The following ARHGAP15 variants were observed in gnomAD, a reference collection of about 807,000 sequenced individuals.
ARHGAP15 encodes rho GTPase-activating protein 15.
Under a neutral mutation model 63.7 loss-of-function variants are expected in ARHGAP15, and 51 were observed. The ratio of observed to expected loss-of-function variants is 0.80; its 90% CI spans 0.64 to 1.01. The LOEUF (loss-of-function observed/expected upper bound fraction) is 1.01. ARHGAP15 is among the 50% of genes least tolerant of loss of function. The pLI is 0.00. For missense variants in ARHGAP15, 560 were observed against 564.6 expected (o/e 0.99, Z 0.08); for synonymous variants, 191 against 193.8 (o/e 0.99, Z 0.12).
chr2:143,254,656 G>C, intron 6 of ARHGAP15, among the ~76,000 whole-genome samples: 1 of 152,090 alleles, frequency 6.6e-6, no homozygotes, highest in African/African-American at 2.4e-5. Flanking sequence ...AATTATTTCC[G>C]TGTCATTAAA....
chr2:143,583,692 G>C lies in ARHGAP15; in HGVS notation c.1003+27207G>C, dbSNP rs185931309. ...TTTTTGTGTGAGTTTATTTAAACATGATCAAGTTAAACTCAGTCTGGAAGA... is the reference window on the plus strand; with the variant it reads ...TTTTTGTGTGAGTTTATTTAAACATCATCAAGTTAAACTCAGTCTGGAAGA... On this transcript the variant is annotated intron_variant, in intron 11 of 13. Transcript: ENST00000295095. Among the ~76,000 whole-genome samples, 315 of 152,298 alleles carry C rather than the reference G, an allele frequency of 2.1e-3. 2 individuals carry two copies. Among genetic ancestry groups the C allele is most frequent in the African/African-American group, 7.5e-3 (312 of 41,562 alleles).
intron 5 of ARHGAP15, among the ~76,000 whole-genome samples, chr2:143,249,092 G>A (rs1178072715): frequency 6.6e-6 from 1 of 152,050 alleles, no homozygotes; most frequent in Non-Finnish European, 1.5e-5. Flanking sequence ...GATCACCTGG[G>A]TGGCAGAGCG....
At position 143,538,843 on chromosome 2, in the gene ARHGAP15, T is replaced by A. The variant is rs1694904127; in HGVS notation, c.926-17565T>A. 1.3e-5 allele frequency among the ~76,000 whole-genome samples: 2 copies of A among 152,200 alleles called. 1 individual carries two copies. The highest frequency in any genetic ancestry group is 4.1e-4 in the South Asian group (2 of 4,828). On this transcript the variant is annotated intron_variant, in intron 10 of 13. Coordinates refer to ENST00000295095, the MANE Select transcript of ARHGAP15 (RefSeq NM_018460.4). ...CAAGGATATTGGTCTAAAATTCTCT[T>A]TTTTTGTTGTGTCTCTGCCAGGCTT... is the stretch of plus-strand genomic sequence containing the variant.
intron 11 of ARHGAP15, among the ~76,000 whole-genome samples, chr2:143,557,794 T>C (rs1465041559): frequency 6.7e-6 from 1 of 148,858 alleles, no homozygotes; most frequent in Non-Finnish European, 1.5e-5. Context: ...AAAAGAAGTC[T>C]ATTAATTCGA....
At chr2:143,368,423 A>C (rs4662325) in intron 6 of ARHGAP15, among the ~76,000 whole-genome samples, 9 of 151,952 alleles carry the variant, frequency 5.9e-5, no homozygotes, top group African/African-American at 2.2e-4. Context: ...GAGAGGCACG[A>C]AAGAAAAATA....
At chr2:143,424,123 C>T (rs1689046287) in intron 6 of ARHGAP15, among the ~76,000 whole-genome samples, 1 of 152,060 alleles carries the variant, frequency 6.6e-6, no homozygotes, top group Non-Finnish European at 1.5e-5. Flanking sequence ...ACTCGTGGAG[C>T]TCTGTAAACA....
intron 13 of ARHGAP15, among the ~76,000 whole-genome samples, chr2:143,731,410 TAAG>T (rs1401100939): frequency 6.6e-6 from 1 of 152,174 alleles, no homozygotes; most frequent in African/African-American, 2.4e-5. Flanking sequence ...TACCTCCATA[TAAG>T]AAGGCTTTTC....
At position 143,760,785 on chromosome 2, in the gene ARHGAP15, G is replaced by A. The variant is rs116941437; in HGVS notation, c.1245-7204G>A. ...TTTGCTTTTATTCAAAAGCAAAAAT[G>A]TCAGAATATAGCAATAATTCCTATT... On this transcript the variant is annotated intron_variant, in intron 13 of 13. Coordinates refer to ENST00000295095, the MANE Select transcript of ARHGAP15 (RefSeq NM_018460.4). Among the ~76,000 whole-genome samples the A allele has an allele frequency of 4.6e-5, 7 of 152,142 alleles. No individual in the cohort carries two copies. In the East Asian group the frequency reaches 9.7e-4, roughly 21 times the overall value.
At chr2:143,170,275 G>A (rs1690720398) in intron 2 of ARHGAP15, among the ~76,000 whole-genome samples, 1 of 152,094 alleles carries the variant, frequency 6.6e-6, no homozygotes, top group African/African-American at 2.4e-5. Flanking sequence ...ACAATTCACA[G>A]TGAGCTCTTA....
At position 143,206,563 on chromosome 2, in the gene ARHGAP15, A is replaced by G. The variant is rs574506452; in HGVS notation, c.234+4361A>G. 1.4e-4 allele frequency among the ~76,000 whole-genome samples: 21 copies of G among 152,190 alleles called. No homozygotes were observed. The South Asian group carries it at 1.7e-3, about 12-fold the overall frequency. On this transcript the variant is annotated intron_variant, in intron 3 of 13. Coordinates refer to ENST00000295095, the MANE Select transcript of ARHGAP15 (RefSeq NM_018460.4). ...TAGCCCTTCTTTGATCTGTCTCTCA[A>G]TAGCAGCTGGGTCTTGACTCTATTC...
intron 9 of ARHGAP15, among the ~76,000 whole-genome samples, chr2:143,495,472 C>T (rs1346348209): frequency 6.6e-6 from 1 of 151,140 alleles, no homozygotes; most frequent in Non-Finnish European, 1.5e-5. Flanking sequence ...TTTCTAACTA[C>T]ACTCACTTAT....
In ARHGAP15 at chr2:143,395,063, A is replaced by C. The variant is rs1007352197; in HGVS notation, c.475-40538A>C. Among the ~76,000 whole-genome samples, 3 of 152,322 alleles carry C rather than the reference A, an allele frequency of 2.0e-5. No homozygotes were observed. The East Asian group carries it at 5.8e-4, about 29-fold the overall frequency. ...ACTACCACATTTAGCAACCAAACCA[A>C]ACATAAATAATAAAAATTCAAAGCA... is the stretch of plus-strand genomic sequence containing the variant. On this transcript the variant is annotated intron_variant, in intron 6 of 13. Coordinates refer to ENST00000295095, the MANE Select transcript of ARHGAP15 (RefSeq NM_018460.4).
chr2:143,239,097 G>A (rs1693763629), intron 5 of ARHGAP15, among the ~76,000 whole-genome samples: 1 of 152,116 alleles, frequency 6.6e-6, no homozygotes, highest in African/African-American at 2.4e-5. Context: ...ATACATTGGT[G>A]ATGGGATGAT....
At chr2:143,767,307 C>T (rs1407844394) in intron 13 of ARHGAP15, among the ~76,000 whole-genome samples, 1 of 152,156 alleles carries the variant, frequency 6.6e-6, no homozygotes, top group East Asian at 1.9e-4. Flanking sequence ...CCTAGTGTTT[C>T]ATTGGTATTC....
chr2:143,535,567 G>T (rs1380555919), intron 10 of ARHGAP15, among the ~76,000 whole-genome samples: 1 of 152,164 alleles, frequency 6.6e-6, no homozygotes, highest in Non-Finnish European at 1.5e-5. Flanking sequence ...AACTGCAAAA[G>T]TAGCCTCTAT....
intron 13 of ARHGAP15, among the ~76,000 whole-genome samples, chr2:143,713,346 A>T (rs947034860): frequency 1.3e-5 from 2 of 152,140 alleles, no homozygotes; most frequent in Non-Finnish European, 2.9e-5. Context: ...ATAGCACGGG[A>T]ATGACCAGCC....
chr2:143,349,102 C>T (rs1452287547), intron 6 of ARHGAP15, among the ~76,000 whole-genome samples: 2 of 152,134 alleles, frequency 1.3e-5, no homozygotes, highest in African/African-American at 2.4e-5. Flanking sequence ...TTAGACCCTC[C>T]AAAGTTTCTT....
intron 11 of ARHGAP15, among the ~76,000 whole-genome samples, chr2:143,599,327 T>C (rs1331078710): frequency 6.6e-6 from 1 of 152,182 alleles, no homozygotes; most frequent in Admixed American, 6.6e-5. Context: ...GTGTTGTTGC[T>C]GTCCATAGAT....
chr2:143,727,217 G>A (rs922626347), intron 13 of ARHGAP15, among the ~76,000 whole-genome samples: 1 of 152,190 alleles, frequency 6.6e-6, no homozygotes, highest in Non-Finnish European at 1.5e-5. Context: ...TGGGTAAAAT[G>A]TCTAAGAAAG....
Sources: gnomAD v4.1 joint callset for allele counts (sites outside exome capture counted in the v4.1 genomes callset) on GRCh38, gnomAD v4.1.1 for gene constraint, MANE v1.5 for transcripts, NCBI Gene and HGNC (gene_info 2026-07-23, HGNC 2026-07-21) for gene names.